PSPH: variants seen among roughly 807,000 people sequenced by gnomAD.
PSPH encodes the protein phosphoserine phosphatase.
PSPH carries 16 observed loss-of-function variants against 23.4 expected under a neutral mutation model. The ratio of observed to expected loss-of-function variants is 0.68; its 90% CI spans 0.46 to 1.04. PSPH has a LOEUF of 1.04. Ranked by LOEUF, PSPH falls within the 50% of genes least tolerant of loss-of-function variation. The pLI is 0.00. For synonymous variants in PSPH, 68 were observed against 99.7 expected (o/e 0.68, Z 1.89); for missense variants, 223 against 273.7 (o/e 0.81, Z 1.31).
At chr7:56,021,877 G>C (rs1005491492) in intron 3 of PSPH, among the ~76,000 whole-genome samples, 6 of 150,846 alleles carry the variant, frequency 4.0e-5, no homozygotes, top group African/African-American at 1.5e-4. Context: ...GTGAACCTGG[G>C]AGGTGGAGCT....
At chr7:56,045,626 G>A (rs2117182896) in intron 1 of PSPH, among the ~76,000 whole-genome samples, 1 of 152,112 alleles carries the variant, frequency 6.6e-6, no homozygotes, top group East Asian at 1.9e-4. Context: ...GTGGCTCCAG[G>A]CCTGTAATCC....
At chr7:56,037,481 C>T (rs1791869250) in intron 1 of PSPH, among the ~76,000 whole-genome samples, 3 of 150,656 alleles carry the variant, frequency 2.0e-5, no homozygotes, top group Non-Finnish European at 4.4e-5. Context: ...TGCAGTGGCA[C>T]GATCATAGCT....
chr7:56,037,170 T>C lies in PSPH; in HGVS notation c.-291-3064A>G, dbSNP rs377760774. Among the ~76,000 whole-genome samples, 73 of 130,628 alleles carry C rather than the reference T, an allele frequency of 5.6e-4. No individual in the cohort carries two copies. In the East Asian group the frequency reaches 0.016, roughly 29 times the overall value. 85.7% of individuals were successfully genotyped at this position (130,628 alleles called of 152,430 possible). Reference sequence around the variant, plus strand: ...GCCTGTGTGACAAAGCCAGACTCTGTCTCAAAAAAAAAAAAAAAAAGCTTC... The same window carrying C: ...GCCTGTGTGACAAAGCCAGACTCTGCCTCAAAAAAAAAAAAAAAAAGCTTC... On this transcript the variant is annotated intron_variant, in intron 1 of 7. Transcript: ENST00000275605.
chr7:56,048,866 C>T (rs1480310982), intron 1 of PSPH, among the ~76,000 whole-genome samples: 2 of 147,002 alleles, frequency 1.4e-5, no homozygotes, highest in Non-Finnish European at 3.0e-5. Context: ...GATAGGTATA[C>T]ATATCCCATG....
rs141945833 is a variant in PSPH at position 56,049,144 on chromosome 7, T to C, written c.-292+1994A>G. ...TTTCACCGTGTTAGCCAGGATAGTGTCGATCTCCTGACCTTGTGATCTGCC... is the reference window on the plus strand; with the variant it reads ...TTTCACCGTGTTAGCCAGGATAGTGCCGATCTCCTGACCTTGTGATCTGCC... On this transcript the variant is annotated intron_variant, in intron 1 of 7. Transcript: ENST00000275605. Among the ~76,000 whole-genome samples, 1,416 of 151,840 alleles carry C rather than the reference T, an allele frequency of 9.3e-3. 20 individuals are homozygous for C. Among genetic ancestry groups the C allele is most frequent in the African/African-American group, 0.032 (1,316 of 41,416 alleles).
At chr7:56,042,127 G>A (rs1318160887) in intron 1 of PSPH, among the ~76,000 whole-genome samples, 1 of 150,808 alleles carries the variant, frequency 6.6e-6, no homozygotes, top group African/African-American at 2.4e-5. Flanking sequence ...GGAGGCTGAA[G>A]CAGGAGAATC....
intron 3 of PSPH, among the ~76,000 whole-genome samples, chr7:56,029,858 T>C (rs1790709452): frequency 6.6e-6 from 1 of 151,746 alleles, no homozygotes; most frequent in Non-Finnish European, 1.5e-5. Flanking sequence ...GTACAAAGTA[T>C]AGCCGGGCGT....
chr7:56,038,254 C>T (rs200777701), intron 1 of PSPH, among the ~76,000 whole-genome samples: 9 of 143,560 alleles, frequency 6.3e-5, no homozygotes, highest in South Asian at 4.5e-4. Context: ...CTGGCTAACA[C>T]GGTGAAACCC....
intron 1 of PSPH, among the ~76,000 whole-genome samples, chr7:56,050,857 A>C (rs1467641553): frequency 1.3e-5 from 2 of 152,072 alleles, no homozygotes; most frequent in African/African-American, 4.8e-5. Flanking sequence ...GTGCCTTTTG[A>C]ATTCAGAACA....
chr7:56,048,001 A>G (rs1008260957), intron 1 of PSPH, among the ~76,000 whole-genome samples: 4 of 149,714 alleles, frequency 2.7e-5, no homozygotes, highest in Admixed American at 2.7e-4. Flanking sequence ...ACATCAGGCC[A>G]GGCGTGGTGG....
intron 1 of PSPH, among the ~76,000 whole-genome samples, chr7:56,044,173 C>A (rs1176904243): frequency 6.6e-6 from 1 of 152,106 alleles, no homozygotes; most frequent in Non-Finnish European, 1.5e-5. Flanking sequence ...AACTCCTGAC[C>A]TCAGGTGGTC....
In PSPH at chr7:56,033,942, G is replaced by A. The variant is rs938795796; in HGVS notation, c.-146+19C>T. 2 of 152,272 alleles carry A rather than the reference G, an allele frequency of 1.3e-5. No homozygotes were observed. The highest frequency in any genetic ancestry group is 4.8e-5 in the African/African-American group (2 of 41,480). The allele number at this position is 152,272 out of a possible 1,614,324, so 9.4% of individuals were successfully genotyped here. Reference sequence around the variant, plus strand: ...AAATCTGAAAGTTGGGCGCAGGGAAGGCACAAGCCGGGACTTACCCTGTGT... The same window carrying A: ...AAATCTGAAAGTTGGGCGCAGGGAAAGCACAAGCCGGGACTTACCCTGTGT... On this transcript the variant is annotated intron_variant, in intron 2 of 7. Coordinates refer to ENST00000275605, the MANE Select transcript of PSPH (RefSeq NM_004577.4).
At chr7:56,022,266 T>C (rs1438335731) in intron 3 of PSPH, among the ~76,000 whole-genome samples, 2 of 150,288 alleles carry the variant, frequency 1.3e-5, no homozygotes, top group Non-Finnish European at 3.0e-5. Context: ...ACCCAGGAGG[T>C]AGAGCTGCAG....
At chr7:56,045,474 T>G (rs546991126) in intron 1 of PSPH, among the ~76,000 whole-genome samples, 1 of 151,634 alleles carries the variant, frequency 6.6e-6, no homozygotes, top group South Asian at 2.1e-4. Context: ...TAAAAATATA[T>G]AAAAGAAAAA....
At chr7:56,029,964 G>A (rs1790728356) in intron 3 of PSPH, among the ~76,000 whole-genome samples, 1 of 141,232 alleles carries the variant, frequency 7.1e-6, no homozygotes, top group Non-Finnish European at 1.5e-5. Flanking sequence ...GGGCGACAGA[G>A]CGAGACTCCA....
At chr7:56,019,310 G>A (rs565622395) in intron 5 of PSPH, among the ~76,000 whole-genome samples, 4 of 151,418 alleles carry the variant, frequency 2.6e-5, no homozygotes, top group Admixed American at 2.0e-4. Context: ...GTGCTGGTGG[G>A]CACCTGTAAT....
At chr7:56,016,344 C>T (rs1316815143) in intron 6 of PSPH, among the ~76,000 whole-genome samples, 1 of 138,856 alleles carries the variant, frequency 7.2e-6, no homozygotes, top group Non-Finnish European at 1.5e-5. Context: ...GCAGAGGTTG[C>T]AGTGAGCCGA....
intron 1 of PSPH, among the ~76,000 whole-genome samples, chr7:56,040,557 A>G (rs1448061164): frequency 6.6e-6 from 1 of 152,004 alleles, no homozygotes; most frequent in African/African-American, 2.4e-5. Flanking sequence ...AGAAATTTAT[A>G]TTACAAAGCG....
chr7:56,046,928 C>T (rs1793329157), intron 1 of PSPH, among the ~76,000 whole-genome samples: 1 of 152,018 alleles, frequency 6.6e-6, no homozygotes, highest in African/African-American at 2.4e-5. Flanking sequence ...ATTAACTTGT[C>T]TCTGAAGATT....
Sources: gnomAD v4.1 joint callset for allele counts (sites outside exome capture counted in the v4.1 genomes callset) on GRCh38, gnomAD v4.1.1 for gene constraint, MANE v1.5 for transcripts, NCBI Gene and HGNC (gene_info 2026-07-23, HGNC 2026-07-21) for gene names.